The following ST6GALNAC5 variants were observed in gnomAD, a reference collection of about 807,000 sequenced individuals.
ST6GALNAC5 encodes the protein alpha-N-acetylgalactosaminide alpha-2,6-sialyltransferase 5.
A neutral mutation model predicts 33.6 loss-of-function variants in ST6GALNAC5; 27 were observed. The ratio of observed to expected loss-of-function variants is 0.80; its 90% confidence interval spans 0.59 to 1.11. The LOEUF is 1.11. Ranked by LOEUF, ST6GALNAC5 falls within the 50% of genes least tolerant of loss-of-function variation. ST6GALNAC5 has a pLI of 0.00. For synonymous variants in ST6GALNAC5, 194 were observed against 171.2 expected (o/e 1.13, Z -1.04); for missense variants, 428 against 454.0 (o/e 0.94, Z 0.52).
intron 2 of ST6GALNAC5, among the ~76,000 whole-genome samples, chr1:76,981,191 C>T (rs1445782083): frequency 6.6e-6 from 1 of 152,168 alleles, no homozygotes; most frequent in Non-Finnish European, 1.5e-5. Flanking sequence ...GCGGGCATCG[C>T]CTCACCAGGG....
At chr1:77,028,562 G>A (rs1170146592) in intron 2 of ST6GALNAC5, among the ~76,000 whole-genome samples, 2 of 152,226 alleles carry the variant, frequency 1.3e-5, no homozygotes, top group Non-Finnish European at 2.9e-5. Context: ...AAAACACTTT[G>A]TGGGACAGTG....
At position 77,044,503 on chromosome 1, in the gene ST6GALNAC5, C is replaced by A. The variant is rs1651943784; in HGVS notation, c.561C>A (p.Asn187Lys). 20 of 1,612,986 alleles carry A rather than the reference C, an allele frequency of 1.2e-5. No individual in the cohort carries two copies. Among genetic ancestry groups the A allele is most frequent in the Non-Finnish European group, 1.4e-5 (17 of 1,179,484 alleles). Reference protein sequence around the residue: ...MRRDGKGQVYNNLHLLSQVLP... With the variant: ...MRRDGKGQVYKNLHLLSQVLP... ...GGGACGGCAAGGGCCAGGTCTACAA[C>A]AACCTGCATCTCCTGAGCCAGGTGC... The change falls in exon 3 of 5, where the codon AAC becomes AAA. Residue 187 changes from asparagine to lysine, a missense_variant. By Grantham distance (94) the Asn-to-Lys change is moderately conservative. Transcript: ENST00000477717.
intron 2 of ST6GALNAC5, among the ~76,000 whole-genome samples, chr1:77,018,478 C>T (rs1557763320): frequency 6.6e-6 from 1 of 152,162 alleles, no homozygotes; most frequent in East Asian, 1.9e-4. Context: ...AGAACTGGGG[C>T]TGAGAAATGG....
intron 2 of ST6GALNAC5, among the ~76,000 whole-genome samples, chr1:76,937,014 G>A (rs566890369): frequency 6.7e-6 from 1 of 150,010 alleles, no homozygotes; most frequent in East Asian, 2.0e-4. Context: ...GGAGCTATAA[G>A]AGACATATTT....
At chr1:77,006,582 A>G (rs747148383) in intron 2 of ST6GALNAC5, among the ~76,000 whole-genome samples, 6 of 152,092 alleles carry the variant, frequency 3.9e-5, no homozygotes, top group Non-Finnish European at 7.4e-5. Flanking sequence ...CTCAACCTCC[A>G]AAGTGCTGGA....
chr1:77,040,912 T>A (rs1288424675), intron 2 of ST6GALNAC5, among the ~76,000 whole-genome samples: 3 of 152,224 alleles, frequency 2.0e-5, no homozygotes, highest in African/African-American at 4.8e-5. Context: ...GTCTTTAGAA[T>A]GAATGAACAA....
chr1:76,974,641 A>G (rs1402661282), intron 2 of ST6GALNAC5, among the ~76,000 whole-genome samples: 2 of 151,542 alleles, frequency 1.3e-5, no homozygotes, highest in Admixed American at 6.6e-5. Flanking sequence ...AAGGTTATTG[A>G]ATTCTGTATG....
At chr1:76,902,787 G>A (rs1014105358) in intron 2 of ST6GALNAC5, among the ~76,000 whole-genome samples, 1 of 152,054 alleles carries the variant, frequency 6.6e-6, no homozygotes, top group African/African-American at 2.4e-5. Flanking sequence ...ATTCAATAAA[G>A]AATATTTTTT....
chr1:76,991,918 C>G (rs1329547209), intron 2 of ST6GALNAC5, among the ~76,000 whole-genome samples: 1 of 151,996 alleles, frequency 6.6e-6, no homozygotes, highest in Non-Finnish European at 1.5e-5. Flanking sequence ...TCATGGCCTT[C>G]ATTTTTGTTT....
At chr1:76,924,290 T>C (rs768679033) in intron 2 of ST6GALNAC5, among the ~76,000 whole-genome samples, 9 of 152,210 alleles carry the variant, frequency 5.9e-5, no homozygotes, top group Non-Finnish European at 1.3e-4. Context: ...TCTGAAAGTA[T>C]CTAGAGATCA....
At chr1:76,867,878 G>A (rs547003885) in intron 1 of ST6GALNAC5, among the ~76,000 whole-genome samples, 188 bp downstream of exon 1, 1 of 152,068 alleles carries the variant, frequency 6.6e-6, no homozygotes, top group African/African-American at 2.4e-5. Context: ...CGGAATCCCA[G>A]AGCCAGGATG....
chr1:76,924,906 T>C (rs1411792949), intron 2 of ST6GALNAC5, among the ~76,000 whole-genome samples: 2 of 152,144 alleles, frequency 1.3e-5, no homozygotes, highest in African/African-American at 2.4e-5. Context: ...AGTCTGTTTT[T>C]GTAATACTAT....
At chr1:76,954,247 A>G (rs1408875806) in intron 2 of ST6GALNAC5, among the ~76,000 whole-genome samples, 1 of 152,148 alleles carries the variant, frequency 6.6e-6, no homozygotes, top group Non-Finnish European at 1.5e-5. Flanking sequence ...ATGGAGCTGG[A>G]AGCCATAATC....
At chr1:76,896,775 A>G (rs1176875468) in intron 2 of ST6GALNAC5, among the ~76,000 whole-genome samples, 1 of 152,182 alleles carries the variant, frequency 6.6e-6, no homozygotes, top group Non-Finnish European at 1.5e-5. Flanking sequence ...AGATTTTGGA[A>G]GTTATGAGAA....
chr1:76,899,785 GAT>G (rs1470246783), intron 2 of ST6GALNAC5, among the ~76,000 whole-genome samples: 1 of 152,202 alleles, frequency 6.6e-6, no homozygotes, highest in Non-Finnish European at 1.5e-5. Context: ...GACGTTGAGG[GAT>G]AGTGAGAGAG....
chr1:77,029,209 A>G (rs1267091334), intron 2 of ST6GALNAC5, among the ~76,000 whole-genome samples: 2 of 152,228 alleles, frequency 1.3e-5, no homozygotes, highest in Non-Finnish European at 2.9e-5. Flanking sequence ...CACTTAGTAC[A>G]ATAAGTGGAA....
At position 76,868,838 on chromosome 1, in the gene ST6GALNAC5, A is replaced by G; in HGVS notation, c.261+96A>G. The G allele has an allele frequency of 7.0e-7, 1 of 1,424,894 alleles. No homozygotes were observed. The highest frequency in any genetic ancestry group is 9.1e-7 in the Non-Finnish European group (1 of 1,095,320). The allele number at this position is 1,424,894 out of a possible 1,614,324, so 88.3% of individuals were successfully genotyped here. A position where few individuals can be genotyped will look rare whatever the true frequency, so the allele number is the denominator to read the frequency against. ...CCCGGGGCTGGGAGGCGCTGTGAGT[A>G]GGTGCCGTTCGAAGGCTGGAGGGGA... On this transcript the variant is annotated intron_variant, in intron 2 of 4. Coordinates refer to ENST00000477717, the MANE Select transcript of ST6GALNAC5 (RefSeq NM_030965.3). This position sits in a 1 kb window ranked among gnomAD's most constrained non-coding sequence, Gnocchi z 4.3.
At chr1:77,044,177 C>T (rs775619638) in intron 2 of ST6GALNAC5, 27 bp from the exon 3 acceptor site, 2 of 1,570,836 alleles carry the variant, frequency 1.3e-6, no homozygotes, top group Admixed American at 1.7e-5. Context: ...TTGCCCCTGA[C>T]AGTGTCCTTC....
intron 2 of ST6GALNAC5, among the ~76,000 whole-genome samples, chr1:76,962,733 G>T (rs1451033522): frequency 6.6e-6 from 1 of 152,188 alleles, no homozygotes; most frequent in Admixed American, 6.6e-5. Flanking sequence ...CTAACAAAGA[G>T]ATGGTGTTAA....
Sources: allele counts gnomAD v4.1 joint callset (sites outside exome capture counted in the v4.1 genomes callset), GRCh38; gene constraint gnomAD v4.1.1; non-coding constraint Gnocchi (gnomAD v3.1); transcripts MANE v1.5; gene names NCBI Gene and HGNC (gene_info 2026-07-23, HGNC 2026-07-21).